The following BBX variants were observed in gnomAD, a reference collection of about 807,000 sequenced individuals.
BBX encodes the protein BBX high mobility group box domain containing, also known as HMG box transcription factor BBX.
Under a neutral mutation model 100.2 loss-of-function variants are expected in BBX, and 30 were observed. The observed-to-expected ratio is 0.30, with a 90% CI of 0.22 to 0.41. The LOEUF (loss-of-function observed/expected upper bound fraction) is 0.41. BBX is among the 10% of genes least tolerant of loss of function. The pLI, the probability that BBX is intolerant of heterozygous loss-of-function variation, is 1.00. For missense variants in BBX, 1,023 were observed against 1,129.8 expected, an observed-to-expected ratio of 0.91 and a Z score of 1.35; for synonymous variants, 376 against 388.1, an observed-to-expected ratio of 0.97 and a Z score of 0.37.
At chr3:107,790,262 A>G (rs1435125745) in intron 14 of BBX, among the ~76,000 whole-genome samples, 1 of 152,114 alleles carries the variant, frequency 6.6e-6, no homozygotes, top group Middle Eastern at 3.2e-3. Context: ...ACTTCATGAA[A>G]TCTTACAGTT....
At chr3:107,721,988 T>C (rs2062575193) in intron 5 of BBX, among the ~76,000 whole-genome samples, 2 of 152,042 alleles carry the variant, frequency 1.3e-5, no homozygotes, top group Admixed American at 6.6e-5. Context: ...ATTATTTTTA[T>C]TATGAACTGT....
intron 2 of BBX, among the ~76,000 whole-genome samples, chr3:107,597,449 T>G (rs780656307): frequency 6.6e-5 from 10 of 152,098 alleles, no homozygotes; most frequent in Non-Finnish European, 1.3e-4. Flanking sequence ...AAAAATACAG[T>G]TTTACTAGAA....
intron 2 of BBX, among the ~76,000 whole-genome samples, chr3:107,607,371 G>C (rs1390457774): frequency 6.6e-6 from 1 of 152,160 alleles, no homozygotes; most frequent in Non-Finnish European, 1.5e-5. Flanking sequence ...GTGAGCCACT[G>C]TGCCTGGTCA....
intron 2 of BBX, among the ~76,000 whole-genome samples, chr3:107,584,089 CATATATTAT>C (rs2052562879): frequency 1.9e-4 from 1 of 5,234 alleles, no homozygotes; most frequent in South Asian, 2.0e-3. Context: ...TTATATATAT[CATATATTAT>C]ATATATTATA....
chr3:107,562,258 G>C (rs908503638), intron 2 of BBX, among the ~76,000 whole-genome samples: 1 of 152,130 alleles, frequency 6.6e-6, no homozygotes, highest in Non-Finnish European at 1.5e-5. Flanking sequence ...TGTTGATTTG[G>C]TTCTGAAATT....
intron 2 of BBX, among the ~76,000 whole-genome samples, chr3:107,555,206 C>G (rs567618012): frequency 6.6e-6 from 1 of 152,312 alleles, no homozygotes; most frequent in African/African-American, 2.4e-5. Context: ...CTCCTATCTT[C>G]TCTCTATTTG....
At chr3:107,599,137 G>C (rs2107614245) in intron 2 of BBX, among the ~76,000 whole-genome samples, 1 of 152,288 alleles carries the variant, frequency 6.6e-6, no homozygotes, top group Middle Eastern at 3.4e-3. Context: ...TTACCAGATT[G>C]ACAGAGATTC....
intron 13 of BBX, among the ~76,000 whole-genome samples, chr3:107,779,421 A>T (rs2067644547): frequency 6.6e-6 from 1 of 152,126 alleles, no homozygotes; most frequent in Admixed American, 6.6e-5. Flanking sequence ...TTTTCCATAC[A>T]TATATGAAAT....
At chr3:107,593,019 C>G (rs1216450432) in intron 2 of BBX, among the ~76,000 whole-genome samples, 2 of 152,134 alleles carry the variant, frequency 1.3e-5, no homozygotes, top group African/African-American at 4.8e-5. Context: ...TTCTAAAAAG[C>G]TAATTATCTG....
intron 2 of BBX, among the ~76,000 whole-genome samples, chr3:107,609,944 A>T (rs557722549): frequency 1.3e-5 from 2 of 151,894 alleles, no homozygotes; most frequent in South Asian, 4.2e-4. Context: ...TGATCCTTTA[A>T]GATGCATCAA....
intron 14 of BBX, among the ~76,000 whole-genome samples, chr3:107,790,354 A>T (rs759986826): frequency 3.3e-5 from 5 of 151,910 alleles, no homozygotes; most frequent in Non-Finnish European, 7.4e-5. Context: ...TCCACTCTTA[A>T]GTTGTAACCT....
intron 10 of BBX, among the ~76,000 whole-genome samples, chr3:107,769,703 G>T (rs2066737183): frequency 6.6e-6 from 1 of 152,146 alleles, no homozygotes; most frequent in Non-Finnish European, 1.5e-5. Context: ...AACTGAGGCT[G>T]ATTGATTTTT....
chr3:107,606,950 A>G (rs903439319), intron 2 of BBX, among the ~76,000 whole-genome samples: 2 of 152,072 alleles, frequency 1.3e-5, no homozygotes, highest in Non-Finnish European at 2.9e-5. Flanking sequence ...TCTGGTAACC[A>G]TCATTCTACT....
At position 107,806,381 on chromosome 3, in the gene BBX, G is replaced by A. The variant is rs1447432377; in HGVS notation, c.*924G>A. 2 of 152,166 alleles carry A rather than the reference G, an allele frequency of 1.3e-5. No homozygotes were observed. The highest frequency in any genetic ancestry group is 3.8e-4 in the East Asian group (2 of 5,196). The allele number at this position is 152,166 out of a possible 1,614,324, so 9.4% of individuals were successfully genotyped here. A position where few individuals can be genotyped will look rare whatever the true frequency, so the allele number is the denominator to read the frequency against. On this transcript the variant is annotated 3_prime_UTR_variant, in exon 18 of 18. Coordinates refer to ENST00000325805, the MANE Select transcript of BBX (RefSeq NM_001142568.3). ...AAAATATTATTCAGAAGTGACCTTA[G>A]TATTACTTCACTATTCTAAACACAT...
At chr3:107,678,527 A>G (rs2059400841) in intron 3 of BBX, among the ~76,000 whole-genome samples, 1 of 152,082 alleles carries the variant, frequency 6.6e-6, no homozygotes, top group African/African-American at 2.4e-5. Flanking sequence ...AGTTTGAGAT[A>G]AGCCTAGGCA....
chr3:107,600,670 T>G lies in BBX; in HGVS notation c.-83-45166T>G, dbSNP rs72941335. The stretch of plus-strand genomic sequence containing the variant: ...ATTCTTGAGAGTGCGCCATTTAAAT[T>G]TCGTTTCTTCTCAAATATTTGTAAA... On this transcript the variant is annotated intron_variant, in intron 2 of 17. Coordinates refer to ENST00000325805, the MANE Select transcript of BBX (RefSeq NM_001142568.3). Among the ~76,000 whole-genome samples the G allele has an allele frequency of 2.3e-3, 357 of 152,274 alleles. 3 individuals carry two copies. Among genetic ancestry groups the G allele is most frequent in the African/African-American group, 8.1e-3 (335 of 41,556 alleles).
intron 10 of BBX, 32 bp from the exon 11 acceptor site, chr3:107,772,596 G>A (rs535851195): frequency 2.0e-5 from 30 of 1,531,160 alleles, no homozygotes; most frequent in African/African-American, 1.8e-4. Context: ...GGATACTTTC[G>A]GGTGCTCTCC....
chr3:107,718,768 G>A (rs920819641), intron 5 of BBX, among the ~76,000 whole-genome samples: 1 of 152,064 alleles, frequency 6.6e-6, no homozygotes, highest in African/African-American at 2.4e-5. Flanking sequence ...TGCCAATGTG[G>A]CACTAAAATG....
At chr3:107,674,013 C>T (rs769352952) in intron 3 of BBX, among the ~76,000 whole-genome samples, 9 of 152,062 alleles carry the variant, frequency 5.9e-5, no homozygotes, top group Non-Finnish European at 7.4e-5. Flanking sequence ...AAATTAATCA[C>T]TCTCTTTAGA....
Sources: allele counts gnomAD v4.1 joint callset (sites outside exome capture counted in the v4.1 genomes callset), GRCh38; gene constraint gnomAD v4.1.1; transcripts MANE v1.5; gene names NCBI Gene and HGNC (gene_info 2026-07-23, HGNC 2026-07-21).